Variants in PFKP observed in about 807,000 individuals in gnomAD.
PFKP encodes the protein phosphofructokinase, platelet, also known as ATP-dependent 6-phosphofructokinase, platelet type.
In PFKP, 101 loss-of-function variants were observed where a neutral mutation model predicts 94.3. That is an observed-to-expected ratio of 1.07 (90% CI 0.91 to 1.26). The LOEUF (loss-of-function observed/expected upper bound fraction) is 1.26. Ranked by LOEUF, PFKP falls within the 50% of genes most tolerant of loss-of-function variation. The probability of loss-of-function intolerance (pLI) is 0.00; values close to 1 mark genes in which losing one functional copy is unlikely to be tolerated. For synonymous variants in PFKP, 573 were observed against 432.6 expected, an observed-to-expected ratio of 1.32 and a Z score of -4.03; for missense variants, 1,145 against 1,103.3, an observed-to-expected ratio of 1.04 and a Z score of -0.53.
At position 3,091,404 on chromosome 10, in the gene PFKP, G is replaced by T. The variant is rs142004606; in HGVS notation, c.187-7871G>T. 1.9e-3 allele frequency among the ~76,000 whole-genome samples: 283 copies of T among 152,244 alleles called. 2 individuals are homozygous for T. The highest frequency in any genetic ancestry group is 5.7e-3 in the African/African-American group (236 of 41,516). ...ATCCAGGGCTGCCACTGTGTCTGCA[G>T]GAAACAGTCGGCTCCTTGCATTTGG... is the stretch of plus-strand genomic sequence containing the variant. On this transcript the variant is annotated intron_variant, in intron 2 of 21. Transcript: ENST00000381125.
chr10:3,097,079 A>AAAAAAC lies in PFKP; in HGVS notation c.187-2190_187-2185dup, dbSNP rs988291812. ...GGTGACACAGCGAGACTCCGTCTCA[A>AAAAAAC]AAAAACAAAAAACAAAAAAACCTGG... On this transcript the variant is annotated intron_variant, in intron 2 of 21. Transcript: ENST00000381125. Among the ~76,000 whole-genome samples, 3 of 142,014 alleles carry AAAAAAC rather than the reference A, an allele frequency of 2.1e-5. 1 individual carries two copies. The highest frequency in any genetic ancestry group is 4.6e-5 in the Non-Finnish European group (3 of 64,980). 93.2% of individuals were successfully genotyped at this position (142,014 alleles called of 152,430 possible). A position where few individuals can be genotyped will look rare whatever the true frequency, so the allele number is the denominator to read the frequency against.
intron 2 of PFKP, among the ~76,000 whole-genome samples, chr10:3,083,214 T>C (rs973847031): frequency 1.3e-5 from 2 of 152,216 alleles, no homozygotes; most frequent in Admixed American, 6.5e-5. Flanking sequence ...TTTGAGCTTT[T>C]CATCATTCAT....
chr10:3,089,097 A>G (rs1332748105), intron 2 of PFKP, among the ~76,000 whole-genome samples: 1 of 152,064 alleles, frequency 6.6e-6, no homozygotes, highest in Non-Finnish European at 1.5e-5. Flanking sequence ...ACGCCTGGCT[A>G]AATTTTTTTA....
chr10:3,074,239 G>A (rs1387247184), intron 1 of PFKP, among the ~76,000 whole-genome samples: 2 of 152,216 alleles, frequency 1.3e-5, no homozygotes, highest in Non-Finnish European at 2.9e-5. Flanking sequence ...TCTGCCTGGA[G>A]CTGTCACTCC....
Position 3,099,814 on chromosome 10 carries a change from G to A in PFKP, c.264+462G>A, listed in dbSNP as rs185544229. 2.4e-3 allele frequency among the ~76,000 whole-genome samples: 366 copies of A among 152,122 alleles called. 2 individuals carry two copies. The highest frequency in any genetic ancestry group is 4.0e-3 in the Non-Finnish European group (272 of 68,002). ...GAGGAAGATAAGATGTGAACGGAGAGTTGAAGTGCGTATGTGTATCAGTGA... is the reference window on the plus strand; with the variant it reads ...GAGGAAGATAAGATGTGAACGGAGAATTGAAGTGCGTATGTGTATCAGTGA... On this transcript the variant is annotated intron_variant, in intron 3 of 21. Coordinates refer to ENST00000381125, the MANE Select transcript of PFKP (RefSeq NM_002627.5).
At position 3,129,929 on chromosome 10, in the gene PFKP, C is replaced by CGGAGCTGAT; in HGVS notation, c.1796_1804dup (p.Gly599_Asp601dup). On this transcript the variant is annotated inframe_insertion, in exon 17 of 22. Coordinates refer to ENST00000381125, the MANE Select transcript of PFKP (RefSeq NM_002627.5). ...TGGCCAACATGGGGGGGCTCGCGGCCGGAGCTGATGCCGCATACATTTTCG... is the reference window on the plus strand; with the variant it reads ...TGGCCAACATGGGGGGGCTCGCGGCCGGAGCTGATGGAGCTGATGCCGCATACATTTTCG... The CGGAGCTGAT allele has an allele frequency of 6.2e-7, 1 of 1,609,852 alleles. No individual in the cohort carries two copies. The highest frequency in any genetic ancestry group is 8.5e-7 in the Non-Finnish European group (1 of 1,177,918).
At chr10:3,068,469 C>T (rs1276338876) in intron 1 of PFKP, among the ~76,000 whole-genome samples, 1 of 152,182 alleles carries the variant, frequency 6.6e-6, no homozygotes, top group Non-Finnish European at 1.5e-5. Flanking sequence ...AGGCCCTCCC[C>T]GCCAGCCTCC....
chr10:3,105,077 C>G (rs889370472), intron 5 of PFKP, 38 bp from the exon 6 acceptor site: 4 of 1,606,016 alleles, frequency 2.5e-6, no homozygotes, highest in Non-Finnish European at 1.7e-6. Flanking sequence ...TCTCTGCTTT[C>G]TGAGCTGTGT....
Position 3,122,011 on chromosome 10 carries a change from G to A in PFKP, c.1683+1967G>A, listed in dbSNP as rs565534254. On this transcript the variant is annotated intron_variant, in intron 16 of 21. Transcript: ENST00000381125. ...TAATTTTTTGTATTTCCATAGAGAC[G>A]GGGTCTCCCTGTGTTGCCCAGGCTG... Among the ~76,000 whole-genome samples the A allele has an allele frequency of 7.9e-5, 12 of 151,752 alleles. No individual in the cohort carries two copies. In the East Asian group the frequency reaches 1.6e-3, roughly 20 times the overall value.
At chr10:3,129,701 G>A in intron 16 of PFKP, 118 bp from the exon 17 acceptor site, 1 of 1,044,618 alleles carries the variant, frequency 9.6e-7, no homozygotes, top group Non-Finnish European at 1.4e-6. Flanking sequence ...CGGGATGCTG[G>A]GACCGCATGT....
At chr10:3,084,595 A>G (rs544109073) in intron 2 of PFKP, among the ~76,000 whole-genome samples, 1 of 152,010 alleles carries the variant, frequency 6.6e-6, no homozygotes, top group East Asian at 1.9e-4. Flanking sequence ...TTAAGGTCAG[A>G]TTGCCCTCCT....
chr10:3,127,050 CCG>C (rs1182117415), intron 16 of PFKP, among the ~76,000 whole-genome samples: 1 of 152,268 alleles, frequency 6.6e-6, no homozygotes, highest in Non-Finnish European at 1.5e-5. Context: ...GCAGGCAGGG[CCG>C]CGCTTGGGAT....
At chr10:3,099,430 G>C in intron 3 of PFKP, 78 bp downstream of exon 3, 6 of 1,119,582 alleles carry the variant, frequency 5.4e-6, no homozygotes, top group Non-Finnish European at 8.2e-6. Context: ...GAACACTTGA[G>C]CTCAGATCAG....
Position 3,101,615 on chromosome 10 carries a change from C to T in PFKP, c.454+61C>T, listed in dbSNP as rs994446033. On this transcript the variant is annotated intron_variant, in intron 4 of 21. Coordinates refer to ENST00000381125, the MANE Select transcript of PFKP (RefSeq NM_002627.5). The stretch of plus-strand genomic sequence containing the variant: ...TCGCCCTGTTTCAGAGCTTTGGAAC[C>T]GACAGGTTTCCCTCTTCACTGTGGC... 2.9e-5 allele frequency: 35 copies of T among 1,220,764 alleles called. No homozygotes were observed. In the Admixed American group the frequency reaches 3.2e-4, roughly 11 times the overall value. The allele number at this position is 1,220,764 out of a possible 1,614,324, so 75.6% of individuals were successfully genotyped here.
chr10:3,105,008 A>C (rs1835395144), intron 5 of PFKP, 107 bp from the exon 6 acceptor site: 2 of 1,079,498 alleles, frequency 1.9e-6, no homozygotes, highest in Non-Finnish European at 2.8e-6. Context: ...TCGGCTGTCA[A>C]AGCCCCTTTT....
intron 8 of PFKP, chr10:3,108,122 C>T (rs17212803): frequency 0.07 from 56,691 of 809,074 alleles, 2,283 homozygotes; most frequent in South Asian, 0.08. Flanking sequence ...TTTTATTTCC[C>T]GCTTAACTGT....
intron 1 of PFKP, chr10:3,069,141 C>A (rs2131363484): frequency 1.2e-6 from 1 of 811,252 alleles, no homozygotes; most frequent in East Asian, 4.4e-5. Context: ...CTCCCCAGGC[C>A]CAGCGCCCCC....
intron 16 of PFKP, chr10:3,128,898 A>ATCCT (rs1838251433): frequency 6.6e-6 from 1 of 152,322 alleles, no homozygotes; most frequent in Admixed American, 6.5e-5. Context: ...CCCCAGGAGG[A>ATCCT]CCTGGGGTGG....
chr10:3,136,682 A>AATACGTG lies in PFKP; in HGVS notation c.*103_*104insATACGTG. 7.7e-7 allele frequency: 1 copy of AATACGTG among 1,303,438 alleles called. No homozygotes were observed. The highest frequency in any genetic ancestry group is 2.1e-5 in the Admixed American group (1 of 48,392). 80.7% of individuals were successfully genotyped at this position (1,303,438 alleles called of 1,614,324 possible). The stretch of plus-strand genomic sequence containing the variant: ...TTATGCACGTATTATTGACATTAAT[A>AATACGTG]CCTAATCGGCGAGTGCCCATCTGCC... On this transcript the variant is annotated 3_prime_UTR_variant, in exon 22 of 22. Coordinates refer to ENST00000381125, the MANE Select transcript of PFKP (RefSeq NM_002627.5).
Sources: gnomAD v4.1 joint callset for allele counts (sites outside exome capture counted in the v4.1 genomes callset) on GRCh38, gnomAD v4.1.1 for gene constraint, MANE v1.5 for transcripts, NCBI Gene and HGNC (gene_info 2026-07-23, HGNC 2026-07-21) for gene names.